The following TRAF3 variants were observed in gnomAD, a reference collection of about 807,000 sequenced individuals.
The protein encoded by TRAF3 is TNF receptor associated factor 3, also known as TNF receptor-associated factor 3.
TRAF3 carries 13 observed loss-of-function variants against 62.3 expected under a neutral mutation model. The observed-to-expected ratio is 0.21, with a 90% CI of 0.14 to 0.33. TRAF3 has a LOEUF of 0.33. TRAF3 is among the 10% of genes least tolerant of loss of function. The pLI is 1.00. For missense variants in TRAF3, 440 were observed against 741.8 expected, an observed-to-expected ratio of 0.59 and a Z score of 4.73; for synonymous variants, 269 against 283.4, an observed-to-expected ratio of 0.95 and a Z score of 0.51.
intron 1 of TRAF3, among the ~76,000 whole-genome samples, chr14:102,803,388 G>A (rs79860158): frequency 6.6e-6 from 1 of 152,066 alleles, no homozygotes; most frequent in East Asian, 1.9e-4. Context: ...AGGCTGCCTG[G>A]TCTGAGTGAC....
At chr14:102,849,043 C>G (rs1029538666) in intron 2 of TRAF3, among the ~76,000 whole-genome samples, 1 of 152,192 alleles carries the variant, frequency 6.6e-6, no homozygotes, top group African/African-American at 2.4e-5. Context: ...CTCAAGCAGT[C>G]CTCCCACCTC....
intron 11 of TRAF3, among the ~76,000 whole-genome samples, chr14:102,904,329 C>T (rs114583786): frequency 1.3e-5 from 2 of 152,348 alleles, no homozygotes; most frequent in South Asian, 2.1e-4. Context: ...ATCTTCTACA[C>T]AGTTTTGCTG....
rs1175140106 is a variant in TRAF3 at position 102,905,528 on chromosome 14, C to A, written c.1451C>A (p.Ala484Asp). Residue 484 changes from alanine (A) to aspartate (D), a missense_variant, in exon 12 of 12, where the codon GCC becomes GAC. Physicochemically the swap from Ala to Asp is moderately radical, Grantham distance 126. This residue lies in a region of TRAF3 where 59 missense variants were observed against 120.9 expected (regional missense o/e 0.49). Transcript: ENST00000392745. Reference sequence around the variant, plus strand: ...GTCATCATGCGTGGAGAATATGATGCCCTGCTTCCTTGGCCGTTTAAGCAG... The same window carrying A: ...GTCATCATGCGTGGAGAATATGATGACCTGCTTCCTTGGCCGTTTAAGCAG... ...FFVIMRGEYD[A>D]LLPWPFKQKV... 1 of 1,614,162 alleles carries A rather than the reference C, an allele frequency of 6.2e-7. No individual in the cohort carries two copies. Among genetic ancestry groups the A allele is most frequent in the East Asian group, 2.2e-5 (1 of 44,882 alleles).
chr14:102,795,455 T>C (rs1398742278), intron 1 of TRAF3, among the ~76,000 whole-genome samples: 1 of 152,216 alleles, frequency 6.6e-6, no homozygotes, highest in Non-Finnish European at 1.5e-5. Flanking sequence ...TTCCCAAGCA[T>C]AACCTCCCTT....
intron 2 of TRAF3, among the ~76,000 whole-genome samples, chr14:102,840,123 A>G (rs1886289877): frequency 1.3e-5 from 2 of 152,224 alleles, no homozygotes; most frequent in South Asian, 4.1e-4. Flanking sequence ...CAGAATTTAA[A>G]GGGACACCCA....
chr14:102,892,047 C>CTTTTTT (rs778938323), intron 9 of TRAF3, among the ~76,000 whole-genome samples: 1 of 121,450 alleles, frequency 8.2e-6, no homozygotes, highest in Non-Finnish European at 1.8e-5. Flanking sequence ...CCATGCTGTT[C>CTTTTTT]TTTTTTTTTT....
intron 1 of TRAF3, among the ~76,000 whole-genome samples, chr14:102,823,512 GA>G (rs1476001758): frequency 3.3e-5 from 5 of 152,170 alleles, no homozygotes; most frequent in Admixed American, 6.5e-5. Context: ...AGATTTGGGA[GA>G]GGGGGAGTTC....
chr14:102,883,740 C>T (rs543273738), intron 6 of TRAF3, among the ~76,000 whole-genome samples: 10 of 152,222 alleles, frequency 6.6e-5, no homozygotes, highest in Non-Finnish European at 1.0e-4. Context: ...TGCCCGCCAC[C>T]GCACCTGGCT....
intron 4 of TRAF3, among the ~76,000 whole-genome samples, chr14:102,873,389 CG>C (rs1888455228): frequency 6.6e-6 from 1 of 152,214 alleles, no homozygotes; most frequent in African/African-American, 2.4e-5. Flanking sequence ...GCATGGTACT[CG>C]GCCGCCTTGT....
At chr14:102,798,673 C>CT (rs1365495758) in intron 1 of TRAF3, among the ~76,000 whole-genome samples, 1 of 152,092 alleles carries the variant, frequency 6.6e-6, no homozygotes, top group Non-Finnish European at 1.5e-5. Flanking sequence ...GATGGGGCCT[C>CT]TATGTTGCCC....
intron 2 of TRAF3, among the ~76,000 whole-genome samples, chr14:102,834,161 A>C (rs533853146): frequency 2.6e-5 from 4 of 152,302 alleles, no homozygotes; most frequent in Non-Finnish European, 5.9e-5. Flanking sequence ...CCTAAGCAAA[A>C]GAACAAAGCT....
intron 1 of TRAF3, among the ~76,000 whole-genome samples, chr14:102,812,643 G>GAT (rs1899255110): frequency 3.9e-5 from 6 of 152,154 alleles, no homozygotes; most frequent in Non-Finnish European, 7.3e-5. Flanking sequence ...TCTCAGGCCG[G>GAT]GCGTGGTGGC....
chr14:102,802,187 C>G (rs1898475599), intron 1 of TRAF3, among the ~76,000 whole-genome samples: 1 of 106,050 alleles, frequency 9.4e-6, no homozygotes, highest in Non-Finnish European at 1.8e-5. Context: ...TGGAGTCTCT[C>G]TCTGTCGCCC....
chr14:102,786,912 T>C (rs182942227), intron 1 of TRAF3, among the ~76,000 whole-genome samples: 181 of 152,308 alleles, frequency 1.2e-3, no homozygotes, highest in African/African-American at 3.7e-3. Flanking sequence ...GAGGAGTGCT[T>C]GAGCCCAGGA....
intron 2 of TRAF3, among the ~76,000 whole-genome samples, chr14:102,835,669 C>T (rs1260212145): frequency 6.6e-6 from 1 of 152,142 alleles, no homozygotes; most frequent in Non-Finnish European, 1.5e-5. Context: ...AACCAAGTAC[C>T]GAATGTTCTC....
At chr14:102,813,429 G>T (rs367774820) in intron 1 of TRAF3, among the ~76,000 whole-genome samples, 1 of 151,782 alleles carries the variant, frequency 6.6e-6, no homozygotes, top group East Asian at 1.9e-4. Flanking sequence ...TAATCCCCCT[G>T]CCCCGGCTTT....
chr14:102,903,925 G>C lies in TRAF3; in HGVS notation c.1135+496G>C. 1 of 398,490 alleles carries C rather than the reference G, an allele frequency of 2.5e-6. No homozygotes were observed. Among genetic ancestry groups the C allele is most frequent in the South Asian group, 1.8e-5 (1 of 55,262 alleles). The allele number at this position is 398,490 out of a possible 1,614,324, so 24.7% of individuals were successfully genotyped here. On this transcript the variant is annotated intron_variant, in intron 11 of 11. Transcript: ENST00000392745. The surrounding 1 kb of genome is among the most constrained non-coding windows in gnomAD (Gnocchi z 6.4). Reference sequence around the variant, plus strand: ...AATATTTACATGAGGAGGATTAATGGCAGAAAGGAACACAGATTACCGGTG... The same window carrying C: ...AATATTTACATGAGGAGGATTAATGCCAGAAAGGAACACAGATTACCGGTG...
intron 2 of TRAF3, among the ~76,000 whole-genome samples, chr14:102,845,600 C>T (rs1409319023): frequency 6.6e-6 from 1 of 151,280 alleles, no homozygotes; most frequent in African/African-American, 2.4e-5. Flanking sequence ...ACTGCAAGCT[C>T]TGCCTCGCAG....
intron 1 of TRAF3, among the ~76,000 whole-genome samples, chr14:102,790,211 G>C (rs1566737711): frequency 6.6e-6 from 1 of 152,184 alleles, no homozygotes; most frequent in Non-Finnish European, 1.5e-5. Context: ...TGAGATAGGA[G>C]TCCCAATTCA....
Sources: gnomAD v4.1 joint callset for allele counts (sites outside exome capture counted in the v4.1 genomes callset) on GRCh38, gnomAD v4.1.1 for gene constraint, gnomAD v4.1.1 regional missense constraint, Gnocchi (gnomAD v3.1) non-coding constraint, MANE v1.5 for transcripts, NCBI Gene and HGNC (gene_info 2026-07-23, HGNC 2026-07-21) for gene names.